The following FBXL17 variants were observed in gnomAD, a reference collection of about 807,000 sequenced individuals.
FBXL17 encodes F-box and leucine rich repeat protein 17.
In FBXL17, 22 loss-of-function variants were observed where a neutral mutation model predicts 66.2. The observed-to-expected ratio is 0.33, with a 90% CI of 0.24 to 0.47. The LOEUF is 0.47. FBXL17 is among the 20% of genes least tolerant of loss of function. FBXL17 has a pLI of 1.00. For synonymous variants in FBXL17, 474 were observed against 400.5 expected (o/e 1.18, Z -2.19); for missense variants, 878 against 948.2 (o/e 0.93, Z 0.97).
At chr5:108,179,970 T>A (rs1412303302) in intron 6 of FBXL17, among the ~76,000 whole-genome samples, 3 of 152,124 alleles carry the variant, frequency 2.0e-5, no homozygotes, top group Non-Finnish European at 4.4e-5. Context: ...AAGAGAACAG[T>A]CCATTCATCA....
rs190129788 is a variant in FBXL17 at position 108,294,469 on chromosome 5, G to A, written c.1506+53930C>T. ...TCTAAGCTAATATTAACATTATTCA[G>A]TGATTCTCAATCATTATAAATATTT... On this transcript the variant is annotated intron_variant, in intron 4 of 8. Transcript: ENST00000542267. 7.9e-3 allele frequency among the ~76,000 whole-genome samples: 1,207 copies of A among 151,852 alleles called. 11 individuals are homozygous for A. Among genetic ancestry groups the A allele is most frequent in the African/African-American group, 0.028 (1,141 of 41,464 alleles).
intron 6 of FBXL17, among the ~76,000 whole-genome samples, chr5:108,134,616 A>T (rs1402929466): frequency 6.6e-6 from 1 of 152,214 alleles, no homozygotes; most frequent in Non-Finnish European, 1.5e-5. Flanking sequence ...AAACAGTTGT[A>T]TCAGGAGAGA....
At chr5:108,174,448 A>G (rs565602074) in intron 6 of FBXL17, among the ~76,000 whole-genome samples, 2 of 152,252 alleles carry the variant, frequency 1.3e-5, no homozygotes, top group African/African-American at 4.8e-5. Flanking sequence ...ATTAGCCTAA[A>G]TTAATTGCTT....
chr5:107,920,618 C>T lies in FBXL17; in HGVS notation c.1823-39439G>A, dbSNP rs550806120. On this transcript the variant is annotated intron_variant, in intron 7 of 8. Transcript: ENST00000542267. ...ACTTCAAGGGATAATGAAGAGATGT[C>T]TGTAATATGAATAAATCCACACCCC... Among the ~76,000 whole-genome samples, 3 of 152,226 alleles carry T rather than the reference C, an allele frequency of 2.0e-5. No individual in the cohort carries two copies. The East Asian group carries it at 5.8e-4, about 29-fold the overall frequency.
chr5:108,055,608 C>CAAAAA (rs55653715), intron 6 of FBXL17, among the ~76,000 whole-genome samples: 18 of 51,044 alleles, frequency 3.5e-4, no homozygotes, highest in East Asian at 6.1e-4. Flanking sequence ...GACTCTGTCT[C>CAAAAA]AAAAAAAAAA....
intron 7 of FBXL17, among the ~76,000 whole-genome samples, chr5:107,978,988 G>T (rs751572222): frequency 3.3e-5 from 5 of 152,204 alleles, no homozygotes; most frequent in Admixed American, 6.5e-5. Context: ...GGTTTTACCA[G>T]ATGTGGAATC....
At chr5:108,329,936 C>T (rs1760041668) in intron 4 of FBXL17, among the ~76,000 whole-genome samples, 1 of 152,024 alleles carries the variant, frequency 6.6e-6, no homozygotes. Flanking sequence ...GGAAATTACT[C>T]CTATTAGTTA....
intron 7 of FBXL17, among the ~76,000 whole-genome samples, chr5:107,947,794 C>T (rs1230268080): frequency 6.6e-6 from 1 of 152,100 alleles, no homozygotes; most frequent in Admixed American, 6.5e-5. Flanking sequence ...AAACGAGTGG[C>T]TTAGTAGACA....
intron 4 of FBXL17, among the ~76,000 whole-genome samples, chr5:108,339,809 G>C (rs766011259): frequency 6.6e-6 from 1 of 151,968 alleles, no homozygotes; most frequent in African/African-American, 2.4e-5. Context: ...TATCCTTATC[G>C]GAGTTTTTAA....
chr5:108,004,298 T>C (rs1012949688), intron 7 of FBXL17, among the ~76,000 whole-genome samples: 4 of 152,210 alleles, frequency 2.6e-5, no homozygotes, highest in African/African-American at 9.6e-5. Context: ...TAACGAACAC[T>C]ATTTTCCCCA....
intron 6 of FBXL17, among the ~76,000 whole-genome samples, chr5:108,170,519 T>C (rs1003376540): frequency 2.0e-5 from 3 of 152,150 alleles, no homozygotes; most frequent in African/African-American, 7.2e-5. Flanking sequence ...ATAGAAGTTA[T>C]GTTATTATAA....
At chr5:108,317,516 G>A (rs1045813611) in intron 4 of FBXL17, among the ~76,000 whole-genome samples, 7 of 150,478 alleles carry the variant, frequency 4.7e-5, no homozygotes, top group Non-Finnish European at 1.0e-4. Flanking sequence ...AAAATTTTTG[G>A]AGATTTTTAA....
chr5:108,352,518 T>G (rs979647542), intron 3 of FBXL17, among the ~76,000 whole-genome samples: 1 of 152,182 alleles, frequency 6.6e-6, no homozygotes, highest in Non-Finnish European at 1.5e-5. Context: ...TTTGTTGTTG[T>G]TTTGTTTTTT....
chr5:108,041,409 TTTTTGTTTTGTTTTG>T (rs552463697), intron 6 of FBXL17, among the ~76,000 whole-genome samples: 3 of 152,066 alleles, frequency 2.0e-5, no homozygotes, highest in Non-Finnish European at 4.4e-5. Flanking sequence ...CCTTTTTGTT[TTTTTGTTTTGTTTTG>T]TTTTGTTTTT....
At chr5:108,250,933 C>A (rs1176276786) in intron 4 of FBXL17, among the ~76,000 whole-genome samples, 1 of 151,986 alleles carries the variant, frequency 6.6e-6, no homozygotes, top group East Asian at 1.9e-4. Context: ...TTAATAGCTA[C>A]ACAGTATTCT....
At chr5:107,891,283 A>G (rs1356702381) in intron 7 of FBXL17, among the ~76,000 whole-genome samples, 1 of 152,190 alleles carries the variant, frequency 6.6e-6, no homozygotes, top group Non-Finnish European at 1.5e-5. Context: ...GAGTTAATGG[A>G]AAAGAGGGTG....
intron 7 of FBXL17, among the ~76,000 whole-genome samples, chr5:107,947,591 T>C (rs1446535675): frequency 1.3e-5 from 2 of 152,234 alleles, no homozygotes; most frequent in Non-Finnish European, 2.9e-5. Context: ...TCTTCTGTTC[T>C]GATAATTTCT....
intron 1 of FBXL17, among the ~76,000 whole-genome samples, chr5:108,379,611 A>G (rs1749698269): frequency 6.6e-6 from 1 of 152,258 alleles, no homozygotes; most frequent in Admixed American, 6.5e-5. Flanking sequence ...CAGTTACTTC[A>G]GTAACGGTAA....
In FBXL17 at chr5:107,861,730, G is replaced by C; in HGVS notation, c.2096C>G (p.Ala699Gly). The C allele has an allele frequency of 6.3e-7, 1 of 1,577,016 alleles. No homozygotes were observed. The highest frequency in any genetic ancestry group is 1.2e-5 in the South Asian group (1 of 85,508). The change falls in exon 9 of 9, where the codon GCC (alanine) becomes GGC (glycine). Residue 699 changes from alanine to glycine, a missense_variant. Around this residue, in one of 4 missense-constraint regions of FBXL17, gnomAD observed 31 missense variants for 27.0 expected, o/e 1.15. Coordinates refer to ENST00000542267, the MANE Select transcript of FBXL17 (RefSeq NM_001163315.3). Reference sequence around the variant, plus strand: ...GGCGAGGCAGGAGCGCTAGGAGGAGGCGGCAGACATGTTGGGGGTCCAGCC... The same window carrying C: ...GGCGAGGCAGGAGCGCTAGGAGGAGCCGGCAGACATGTTGGGGGTCCAGCC... ...QMGWTPNMSA[A>G]SS
Sources: allele counts gnomAD v4.1 joint callset (sites outside exome capture counted in the v4.1 genomes callset), GRCh38; gene constraint gnomAD v4.1.1; regional missense constraint gnomAD v4.1.1; transcripts MANE v1.5; gene names NCBI Gene and HGNC (gene_info 2026-07-23, HGNC 2026-07-21).